Variants in KCNH8 observed in about 807,000 individuals in gnomAD.
KCNH8 encodes voltage-gated delayed rectifier potassium channel KCNH8.
In KCNH8, 70 loss-of-function variants were observed where a neutral mutation model predicts 103.6. The ratio of observed to expected loss-of-function variants is 0.68; its 90% CI spans 0.56 to 0.82. The LOEUF is 0.82. Ranked by LOEUF, KCNH8 falls within the 40% of genes least tolerant of loss-of-function variation. KCNH8 has a pLI of 0.00. For missense variants in KCNH8, 1,217 were observed against 1,329.9 expected (o/e 0.92, Z 1.32); for synonymous variants, 498 against 489.4 (o/e 1.02, Z -0.23).
rs11422314 is a variant in KCNH8, at chr3:19,400,231, CAA to C, written c.1177+4943_1177+4944del. Reference sequence around the variant, plus strand: ...CCCTACCAGATACGATGTTAGCCAGCAAAAAAAAAAAAAAAAAAAAAAAAGCA... The same window carrying C: ...CCCTACCAGATACGATGTTAGCCAGCAAAAAAAAAAAAAAAAAAAAAAGCA... On this transcript the variant is annotated intron_variant, in intron 7 of 15. Coordinates refer to ENST00000328405, the MANE Select transcript of KCNH8 (RefSeq NM_144633.3). Among the ~76,000 whole-genome samples the C allele has an allele frequency of 5.1e-3, 271 of 53,120 alleles. 1 individual carries two copies. The highest frequency in any genetic ancestry group is 0.017 in the African/African-American group (246 of 14,152). The allele number at this position is 53,120 out of a possible 152,430, so 34.8% of individuals were successfully genotyped here. A position where few individuals can be genotyped will look rare whatever the true frequency, so the allele number is the denominator to read the frequency against.
chr3:19,308,031 A>C (rs949567188), intron 3 of KCNH8, among the ~76,000 whole-genome samples: 21 of 151,912 alleles, frequency 1.4e-4, no homozygotes, highest in Non-Finnish European at 4.4e-5. Flanking sequence ...AGTTTTAAAT[A>C]GCTAGAAAGA....
chr3:19,437,934 C>T lies in KCNH8; in HGVS notation c.1178-230C>T, dbSNP rs564070913. On this transcript the variant is annotated intron_variant, in intron 7 of 15. Transcript: ENST00000328405. Reference sequence around the variant, plus strand: ...GTTTAGCTTTGACCATCAATCCACTCTGGAATTCATATTTATATGCTGTGT... The same window carrying T: ...GTTTAGCTTTGACCATCAATCCACTTTGGAATTCATATTTATATGCTGTGT... Among the ~76,000 whole-genome samples the T allele has an allele frequency of 1.4e-4, 21 of 152,268 alleles. 1 individual carries two copies. The South Asian group carries it at 4.4e-3, about 32-fold the overall frequency.
At chr3:19,518,154 T>C (rs2068907683) in intron 15 of KCNH8, 80 bp downstream of exon 15, 3 of 1,111,302 alleles carry the variant, frequency 2.7e-6, no homozygotes, top group Admixed American at 1.9e-5. Flanking sequence ...CAGTGTAATA[T>C]AGTAGTTACA....
At chr3:19,504,696 G>A (rs2068657087) in intron 11 of KCNH8, among the ~76,000 whole-genome samples, 2 of 152,130 alleles carry the variant, frequency 1.3e-5, no homozygotes, top group Non-Finnish European at 2.9e-5. Flanking sequence ...TGGAAAGATT[G>A]CAGAGAAAAA....
chr3:19,304,375 G>A (rs918032204), intron 3 of KCNH8, among the ~76,000 whole-genome samples: 1 of 151,614 alleles, frequency 6.6e-6, no homozygotes, highest in Non-Finnish European at 1.5e-5. Context: ...TATGGAAAAG[G>A]TATAAAATCA....
rs531305031 is a variant in KCNH8 at position 19,491,441 on chromosome 3, T to A, written c.2041-18922T>A. ...AGAACATGTGGTATTTAGTTTTCTG[T>A]CCCCCATTAGTTTGCTGAGGATTCT... On this transcript the variant is annotated intron_variant, in intron 11 of 15. Coordinates refer to ENST00000328405, the MANE Select transcript of KCNH8 (RefSeq NM_144633.3). Among the ~76,000 whole-genome samples the A allele has an allele frequency of 5.3e-5, 8 of 152,280 alleles. No homozygotes were observed. In the East Asian group the frequency reaches 1.5e-3, roughly 29 times the overall value.
At chr3:19,354,943 C>A (rs892347164) in intron 5 of KCNH8, among the ~76,000 whole-genome samples, 1 of 152,182 alleles carries the variant, frequency 6.6e-6, no homozygotes, top group Non-Finnish European at 1.5e-5. Flanking sequence ...AGTGAATAGG[C>A]AACCTACAGA....
intron 5 of KCNH8, among the ~76,000 whole-genome samples, chr3:19,389,021 G>A (rs953359704): frequency 2.0e-5 from 3 of 152,128 alleles, no homozygotes; most frequent in Admixed American, 6.6e-5. Context: ...GGGCTCATAC[G>A]AAGAACCTGT....
At chr3:19,506,319 A>C (rs2068692206) in intron 11 of KCNH8, among the ~76,000 whole-genome samples, 1 of 152,112 alleles carries the variant, frequency 6.6e-6, no homozygotes, top group Non-Finnish European at 1.5e-5. Flanking sequence ...ATTTGGGTAT[A>C]ATCAGTAGGT....
At chr3:19,365,636 T>C (rs887383414) in intron 5 of KCNH8, among the ~76,000 whole-genome samples, 10 of 152,064 alleles carry the variant, frequency 6.6e-5, no homozygotes, top group African/African-American at 2.2e-4. Flanking sequence ...TCATTTGCCA[T>C]GTACTGTTCT....
rs182866500 is a variant in KCNH8, at chr3:19,326,160, A to G, written c.443-16427A>G. Among the ~76,000 whole-genome samples, 4 of 152,042 alleles carry G rather than the reference A, an allele frequency of 2.6e-5. No homozygotes were observed. In the East Asian group the frequency reaches 5.8e-4, roughly 22 times the overall value. On this transcript the variant is annotated intron_variant, in intron 3 of 15. Coordinates refer to ENST00000328405, the MANE Select transcript of KCNH8 (RefSeq NM_144633.3). ...GAGAACTCATAGACACATAGAGTGGAACAATACACACTGGGGCCTATAGGA... is the reference window on the plus strand; with the variant it reads ...GAGAACTCATAGACACATAGAGTGGGACAATACACACTGGGGCCTATAGGA...
rs529835432 is a variant in KCNH8 at position 19,213,763 on chromosome 3, T to A, written c.77-39891T>A. ...AGAGCATAATGTTAATCGTTCTCAG[T>A]AGAGGGTGCTAGAGGGACAATAGAG... On this transcript the variant is annotated intron_variant, in intron 1 of 15. Transcript: ENST00000328405. Among the ~76,000 whole-genome samples the A allele has an allele frequency of 8.1e-4, 123 of 152,290 alleles. 1 individual carries two copies. The highest frequency in any genetic ancestry group is 2.8e-3 in the African/African-American group (116 of 41,560).
At chr3:19,306,034 A>G (rs1357550900) in intron 3 of KCNH8, among the ~76,000 whole-genome samples, 3 of 152,130 alleles carry the variant, frequency 2.0e-5, no homozygotes, top group African/African-American at 7.2e-5. Context: ...ACTCTTGAAA[A>G]GTTTTGTTTC....
At chr3:19,460,261 A>G (rs370664093) in intron 11 of KCNH8, among the ~76,000 whole-genome samples, 3 of 152,084 alleles carry the variant, frequency 2.0e-5, no homozygotes, top group Admixed American at 1.3e-4. Context: ...AAACCATAGT[A>G]TGTTTACCAA....
At chr3:19,392,026 G>T (rs971615177) in intron 6 of KCNH8, among the ~76,000 whole-genome samples, 2 of 151,328 alleles carry the variant, frequency 1.3e-5, no homozygotes, top group East Asian at 3.9e-4. Flanking sequence ...TACTAAAAGC[G>T]AATACTTTTT....
chr3:19,387,241 C>T (rs559093088), intron 5 of KCNH8, among the ~76,000 whole-genome samples: 1 of 152,160 alleles, frequency 6.6e-6, no homozygotes, highest in East Asian at 1.9e-4. Flanking sequence ...TGAATTTGAT[C>T]GAAGGACTAC....
chr3:19,418,140 CAG>C (rs2066891220), intron 7 of KCNH8, among the ~76,000 whole-genome samples: 3 of 152,108 alleles, frequency 2.0e-5, no homozygotes, highest in Admixed American at 2.0e-4. Context: ...GGGGATTCAT[CAG>C]AGAACATTTC....
chr3:19,328,802 T>C (rs2065466204), intron 3 of KCNH8, among the ~76,000 whole-genome samples: 1 of 152,148 alleles, frequency 6.6e-6, no homozygotes, highest in Non-Finnish European at 1.5e-5. Flanking sequence ...TAGAACAAAA[T>C]AGTGAATAAA....
At chr3:19,509,301 G>GA (rs1050636005) in intron 11 of KCNH8, among the ~76,000 whole-genome samples, 19 of 151,966 alleles carry the variant, frequency 1.3e-4, no homozygotes, top group Non-Finnish European at 1.8e-4. Flanking sequence ...ATCATCTAGG[G>GA]AAAAAAATGA....
Sources: allele counts gnomAD v4.1 joint callset (sites outside exome capture counted in the v4.1 genomes callset), GRCh38; gene constraint gnomAD v4.1.1; transcripts MANE v1.5; gene names NCBI Gene and HGNC (gene_info 2026-07-23, HGNC 2026-07-21).